MTMR7: variants seen among roughly 807,000 people sequenced by gnomAD.
MTMR7 encodes the protein myotubularin related protein 7.
A neutral mutation model predicts 81.2 loss-of-function variants in MTMR7; 76 were observed. The observed-to-expected ratio is 0.94, with a 90% CI of 0.78 to 1.13. The LOEUF is 1.13. MTMR7 is among the 50% of genes most tolerant of loss of function. The pLI is 0.00. For synonymous variants in MTMR7, 372 were observed against 289.8 expected (o/e 1.28, Z -2.88); for missense variants, 1,044 against 820.0 (o/e 1.27, Z -3.34).
At chr8:17,404,271 G>C (rs886349962) in intron 1 of MTMR7, among the ~76,000 whole-genome samples, 1 of 152,092 alleles carries the variant, frequency 6.6e-6, no homozygotes, top group African/African-American at 2.4e-5. Flanking sequence ...GATAAAAAGA[G>C]GATTGAAGGA....
intron 1 of MTMR7, among the ~76,000 whole-genome samples, chr8:17,393,234 T>C (rs900732382): frequency 2.0e-5 from 3 of 152,164 alleles, no homozygotes; most frequent in South Asian, 2.1e-4. Context: ...TGCAAAACAA[T>C]GCATTTGGAC....
intron 3 of MTMR7, among the ~76,000 whole-genome samples, chr8:17,368,464 C>G (rs939796093): frequency 2.0e-5 from 3 of 152,158 alleles, no homozygotes; most frequent in Non-Finnish European, 4.4e-5. Context: ...GTACACCTCC[C>G]TCACCAACTA....
chr8:17,375,614 AT>A (rs992624815), intron 1 of MTMR7, among the ~76,000 whole-genome samples: 5 of 151,922 alleles, frequency 3.3e-5, no homozygotes, highest in African/African-American at 1.2e-4. Flanking sequence ...GGTGATCAGC[AT>A]TTCTTACATA....
Position 17,299,902 on chromosome 8 carries a change from T to A in MTMR7, c.1943A>T (p.Lys648Met). Reference protein sequence around the residue: ...GEHAPSEDSGKDRDSDEAVFL... With the variant: ...GEHAPSEDSGMDRDSDEAVFL... The stretch of plus-strand genomic sequence containing the variant: ...CACGGCTTCATCAGAATCCCGGTCC[T>A]TGCCACTATCTTCACTCGGTGCATG... Residue 648 changes from lysine to methionine, a missense_variant, in exon 14 of 14, where the codon AAG (lysine) becomes ATG (methionine). Physicochemically the swap from Lys to Met is moderately conservative, Grantham distance 95. Transcript: ENST00000180173. 2 of 1,614,158 alleles carry A rather than the reference T, an allele frequency of 1.2e-6. No individual in the cohort carries two copies. The highest frequency in any genetic ancestry group is 1.7e-6 in the Non-Finnish European group (2 of 1,180,002).
chr8:17,385,773 C>G (rs920483035), intron 1 of MTMR7, among the ~76,000 whole-genome samples: 3 of 152,196 alleles, frequency 2.0e-5, no homozygotes, highest in Admixed American at 2.0e-4. Context: ...TCTGCTCCCT[C>G]TTAACCTTCC....
chr8:17,301,670 A>G (rs74979356), intron 13 of MTMR7: 103 of 155,740 alleles, frequency 6.6e-4, no homozygotes, highest in African/African-American at 2.4e-3. Flanking sequence ...TAGGAAAAGC[A>G]TTTTATTATA....
At position 17,413,325 on chromosome 8, in the gene MTMR7, C is replaced by A. The variant is rs1368997689; in HGVS notation, c.-33G>T. Reference sequence around the variant, plus strand: ...CCACGTCTGCAGGGTCCCGGGCGGGCGCGGCCTCACGCACCTGCGCGCCTC... The same window carrying A: ...CCACGTCTGCAGGGTCCCGGGCGGGAGCGGCCTCACGCACCTGCGCGCCTC... On this transcript the variant is annotated 5_prime_UTR_variant, in exon 1 of 14. Coordinates refer to ENST00000180173, the MANE Select transcript of MTMR7 (RefSeq NM_004686.5). The A allele has an allele frequency of 6.6e-7, 1 of 1,524,204 alleles. No homozygotes were observed. Among genetic ancestry groups the A allele is most frequent in the Non-Finnish European group, 8.8e-7 (1 of 1,134,848 alleles). 94.4% of individuals were successfully genotyped at this position (1,524,204 alleles called of 1,614,324 possible). A position where few individuals can be genotyped will look rare whatever the true frequency, so the allele number is the denominator to read the frequency against.
intron 1 of MTMR7, among the ~76,000 whole-genome samples, chr8:17,396,250 T>C (rs1202873953): frequency 6.6e-6 from 1 of 151,972 alleles, no homozygotes; most frequent in African/African-American, 2.4e-5. Context: ...AAAAGCACCA[T>C]CATAAGAACC....
chr8:17,377,858 T>C (rs1354227055), intron 1 of MTMR7, among the ~76,000 whole-genome samples: 1 of 152,142 alleles, frequency 6.6e-6, no homozygotes, highest in Non-Finnish European at 1.5e-5. Flanking sequence ...TCATTAAACA[T>C]TCTATTTTAA....
intron 1 of MTMR7, among the ~76,000 whole-genome samples, chr8:17,400,629 G>C (rs973870498): frequency 5.3e-5 from 8 of 152,112 alleles, no homozygotes; most frequent in Admixed American, 5.2e-4. Flanking sequence ...ACAAACCTCA[G>C]TACTGTTTTG....
chr8:17,336,251 A>G (rs907431677), intron 6 of MTMR7, among the ~76,000 whole-genome samples: 5 of 152,130 alleles, frequency 3.3e-5, no homozygotes, highest in African/African-American at 1.2e-4. Flanking sequence ...CCTACAGCTG[A>G]AGACACCCGG....
chr8:17,331,963 G>C (rs529039816), intron 6 of MTMR7, among the ~76,000 whole-genome samples: 3 of 152,278 alleles, frequency 2.0e-5, no homozygotes, highest in South Asian at 4.2e-4. Context: ...TGCAAACTAG[G>C]TTAAGTCACA....
At position 17,368,864 on chromosome 8, in the gene MTMR7, A is replaced by C. The variant is rs548067291; in HGVS notation, c.310+2173T>G. ...GACTATGATTTCTTTTAGAAAAGGT[A>C]GCCAGTCAGATCTCTGTCTACATCT... On this transcript the variant is annotated intron_variant, in intron 3 of 13. Transcript: ENST00000180173. 2.6e-5 allele frequency among the ~76,000 whole-genome samples: 4 copies of C among 152,366 alleles called. No individual in the cohort carries two copies. In the East Asian group the frequency reaches 7.7e-4, roughly 29 times the overall value.
intron 1 of MTMR7, among the ~76,000 whole-genome samples, chr8:17,378,466 G>C (rs1402969432): frequency 2.0e-5 from 3 of 152,108 alleles, no homozygotes; most frequent in African/African-American, 7.2e-5. Flanking sequence ...CAGCCTTACT[G>C]TTGGGCTAAC....
At chr8:17,343,099 A>C (rs990515433) in intron 5 of MTMR7, among the ~76,000 whole-genome samples, 1 of 152,146 alleles carries the variant, frequency 6.6e-6, no homozygotes, top group Non-Finnish European at 1.5e-5. Context: ...AATAATTCTG[A>C]GTTGGCTTTA....
chr8:17,401,012 A>T (rs1198947658), intron 1 of MTMR7, among the ~76,000 whole-genome samples: 1 of 152,154 alleles, frequency 6.6e-6, no homozygotes, highest in Non-Finnish European at 1.5e-5. Flanking sequence ...ATAGAACCTA[A>T]TAATCCATAT....
intron 1 of MTMR7, among the ~76,000 whole-genome samples, chr8:17,374,569 T>G (rs1349729085): frequency 6.6e-6 from 1 of 151,854 alleles, no homozygotes; most frequent in African/African-American, 2.4e-5. Context: ...TGCAGTGCGC[T>G]GAGATTGCGC....
At chr8:17,373,413 G>A (rs10888129) in intron 1 of MTMR7, among the ~76,000 whole-genome samples, 173 bp from the exon 2 acceptor site, 1 of 152,070 alleles carries the variant, frequency 6.6e-6, no homozygotes, top group African/African-American at 2.4e-5. Flanking sequence ...GAGTAGGATT[G>A]TGTATATTAA....
In MTMR7 at chr8:17,361,206, A is replaced by G. The variant is rs748835075; in HGVS notation, c.379T>C (p.Trp127Arg). ...TCTTCACTAAGATCGATCAGCACCC[A>G]GCCTTGCTCTCTTTCTTCTTTATCC... ...MLDKEEREQGWVLIDLSEEYT... is the reference protein window; with the variant it reads ...MLDKEEREQGRVLIDLSEEYT... The change falls in exon 4 of 14, where the codon TGG becomes CGG. Residue 127 changes from tryptophan to arginine, a missense_variant. Trp to Arg is a moderately radical substitution (Grantham distance 101). Coordinates refer to ENST00000180173, the MANE Select transcript of MTMR7 (RefSeq NM_004686.5). 6.2e-7 allele frequency: 1 copy of G among 1,614,196 alleles called. No individual in the cohort carries two copies. The highest frequency in any genetic ancestry group is 8.5e-7 in the Non-Finnish European group (1 of 1,180,026).
Sources: allele counts gnomAD v4.1 joint callset (sites outside exome capture counted in the v4.1 genomes callset), GRCh38; gene constraint gnomAD v4.1.1; transcripts MANE v1.5; gene names NCBI Gene and HGNC (gene_info 2026-07-23, HGNC 2026-07-21).